The following CNOT10 variants were observed in gnomAD, a reference collection of about 807,000 sequenced individuals.
The protein encoded by CNOT10 is CCR4-NOT transcription complex, subunit 10.
A neutral mutation model predicts 94.6 loss-of-function variants in CNOT10; 30 were observed. That is an observed-to-expected ratio of 0.32 (90% CI 0.24 to 0.43). The LOEUF (loss-of-function observed/expected upper bound fraction) is 0.43. Among genes scored for constraint, CNOT10 ranks in the 20% least tolerant of loss-of-function variants. The pLI, the probability that CNOT10 is intolerant of heterozygous loss-of-function variation, is 1.00. For missense variants in CNOT10, 759 were observed against 877.2 expected, an observed-to-expected ratio of 0.87 and a Z score of 1.70; for synonymous variants, 289 against 301.6, an observed-to-expected ratio of 0.96 and a Z score of 0.43.
chr3:32,727,572 A>G (rs1261982843), intron 9 of CNOT10, 96 bp from the exon 10 acceptor site: 6 of 795,330 alleles, frequency 7.5e-6, no homozygotes, highest in Admixed American at 4.4e-5. Flanking sequence ...TTGGTGTTAA[A>G]CATGGTAGTG....
At chr3:32,688,568 G>A (rs1239416618) in intron 1 of CNOT10, among the ~76,000 whole-genome samples, 1 of 152,022 alleles carries the variant, frequency 6.6e-6, no homozygotes, top group Non-Finnish European at 1.5e-5. Flanking sequence ...CTGCACTCCA[G>A]GCTGGGTGAC....
At chr3:32,722,244 C>A (rs1698455594) in intron 8 of CNOT10, among the ~76,000 whole-genome samples, 1 of 152,106 alleles carries the variant, frequency 6.6e-6, no homozygotes, top group Non-Finnish European at 1.5e-5. Flanking sequence ...CATACTGAGA[C>A]CTTCCCCTAT....
chr3:32,702,090 A>C (rs911736601), intron 1 of CNOT10, among the ~76,000 whole-genome samples: 6 of 138,048 alleles, frequency 4.3e-5, no homozygotes, highest in Admixed American at 7.6e-5. Context: ...GAGCCACCAC[A>C]CCTGGCCTTT....
chr3:32,695,893 G>C (rs1697030382), intron 1 of CNOT10: 1 of 1,289,894 alleles, frequency 7.8e-7, no homozygotes, highest in African/African-American at 1.5e-5. Context: ...TTACAAAAAT[G>C]AATACCCATT....
chr3:32,700,896 G>A (rs1000308834), intron 1 of CNOT10, among the ~76,000 whole-genome samples: 3 of 152,118 alleles, frequency 2.0e-5, no homozygotes, highest in Admixed American at 1.3e-4. Context: ...CCAAGAAACA[G>A]AATATTCTTT....
chr3:32,691,908 TTAG>T (rs1696862999), intron 1 of CNOT10, among the ~76,000 whole-genome samples: 1 of 151,400 alleles, frequency 6.6e-6, no homozygotes, highest in East Asian at 2.0e-4. Context: ...ATGTAAAAAA[TTAG>T]TGGTGGCGCA....
intron 13 of CNOT10, among the ~76,000 whole-genome samples, chr3:32,741,545 G>A (rs913519375): frequency 2.6e-5 from 4 of 152,118 alleles, no homozygotes; most frequent in East Asian, 3.9e-4. Context: ...CGAGGCGAGC[G>A]GATCACGAGG....
intron 10 of CNOT10, among the ~76,000 whole-genome samples, chr3:32,732,611 A>C (rs1406011018): frequency 6.6e-6 from 1 of 151,592 alleles, no homozygotes; most frequent in African/African-American, 2.4e-5. Flanking sequence ...GAAAGGAAAA[A>C]AAAAAAGGTA....
intron 13 of CNOT10, among the ~76,000 whole-genome samples, chr3:32,750,538 A>G (rs1450603632): frequency 6.6e-6 from 1 of 152,046 alleles, no homozygotes; most frequent in Non-Finnish European, 1.5e-5. Context: ...TTAGTCATAT[A>G]ACAATATTTC....
chr3:32,733,446 C>G lies in CNOT10; in HGVS notation c.1239C>G (p.Gly413=). The G allele has an allele frequency of 6.3e-7, 1 of 1,593,412 alleles. No homozygotes were observed. Among genetic ancestry groups the G allele is most frequent in the Non-Finnish European group, 8.6e-7 (1 of 1,168,154 alleles). ...AGACTTCTGAACAAGAAACTAAAGG[C>G]CTTCCCAGCAAAAAAGGAATTGTAC... ...NKGTSEQETK[G]LPSKKGIVQS... Residue 413 remains glycine (G), a synonymous_variant, in exon 11 of 19, where the codon GGC becomes GGG. Coordinates refer to ENST00000328834, the MANE Select transcript of CNOT10 (RefSeq NM_015442.3).
In CNOT10 at chr3:32,762,624, A is replaced by G. The variant is rs369525754; in HGVS notation, c.1710-109A>G. On this transcript the variant is annotated intron_variant, in intron 14 of 18. Transcript: ENST00000328834. ...AGATTTCAATTTAAGGACATGAAAT[A>G]TGAGACCTATATCCAATGTATAATA... 28 of 1,126,762 alleles carry G rather than the reference A, an allele frequency of 2.5e-5. No homozygotes were observed. In the South Asian group the frequency reaches 3.8e-4, roughly 15 times the overall value. 69.8% of individuals were successfully genotyped at this position (1,126,762 alleles called of 1,614,324 possible).
Position 32,769,925 on chromosome 3 carries a change from G to A in CNOT10, c.2043G>A (p.Glu681=). Residue 681 remains glutamate (E), a synonymous_variant, in exon 18 of 19, where the codon GAG becomes GAA. Transcript: ENST00000328834. The part of the protein sequence containing the change: ...SMIHPKEVPP[E]AILLAVYLEL... ...TCCATCCTAAAGAGGTGCCCCCTGA[G>A]GCCATCTTGCTGGCAGTCTACCTTG... 1.2e-6 allele frequency: 2 copies of A among 1,613,950 alleles called. No homozygotes were observed. The highest frequency in any genetic ancestry group is 4.5e-5 in the East Asian group (2 of 44,884).
chr3:32,693,958 G>A (rs1696951902), intron 1 of CNOT10, among the ~76,000 whole-genome samples: 1 of 152,072 alleles, frequency 6.6e-6, no homozygotes, highest in African/African-American at 2.4e-5. Context: ...ACATTAGAGA[G>A]TACCTAAGAG....
At chr3:32,703,787 C>T (rs1697482324) in intron 1 of CNOT10, 81 bp from the exon 2 acceptor site, 3 of 923,856 alleles carry the variant, frequency 3.2e-6, no homozygotes, top group Admixed American at 4.4e-5. Flanking sequence ...GTAACTGAAA[C>T]TGCAGAAAGT....
Position 32,685,423 on chromosome 3 carries a change from C to A in CNOT10, c.-38C>A. The A allele has an allele frequency of 6.5e-7, 1 of 1,549,810 alleles. No homozygotes were observed. The highest frequency in any genetic ancestry group is 8.7e-7 in the Non-Finnish European group (1 of 1,146,538). On this transcript the variant is annotated 5_prime_UTR_variant, in exon 1 of 19. Transcript: ENST00000328834. ...AGCCCGGCGGCGGGAGTCAGGGCCA[C>A]GCCACCTGCAGGGAAGAACCCGAGT... is the stretch of plus-strand genomic sequence containing the variant.
intron 1 of CNOT10, among the ~76,000 whole-genome samples, chr3:32,689,842 C>T (rs1696778954): frequency 2.6e-5 from 4 of 152,122 alleles, no homozygotes; most frequent in African/African-American, 9.7e-5. Context: ...GAAGTCCTAG[C>T]TACTCCAGAG....
chr3:32,696,175 G>A (rs974515669), intron 1 of CNOT10, among the ~76,000 whole-genome samples: 3 of 152,054 alleles, frequency 2.0e-5, no homozygotes, highest in Admixed American at 1.3e-4. Flanking sequence ...AATTAGCTGA[G>A]CATGGTGGCG....
chr3:32,711,570 G>T (rs1697891720), intron 4 of CNOT10, among the ~76,000 whole-genome samples: 1 of 152,164 alleles, frequency 6.6e-6, no homozygotes, highest in Non-Finnish European at 1.5e-5. Flanking sequence ...GAGTGAGAAT[G>T]TAGAGATTGA....
Position 32,764,667 on chromosome 3 carries a change from A to T in CNOT10, c.1877-15A>T, listed in dbSNP as rs1483477901. Reference sequence around the variant, plus strand: ...GCACGGCCTCTTCACCAGTGTCTACACTCTTTTTCCCCAGCTGGTAAGCGG... The same window carrying T: ...GCACGGCCTCTTCACCAGTGTCTACTCTCTTTTTCCCCAGCTGGTAAGCGG... On this transcript the variant is annotated splice_polypyrimidine_tract_variant and intron_variant, in intron 16 of 18. Transcript: ENST00000328834. 1.2e-6 allele frequency: 2 copies of T among 1,613,226 alleles called. No individual in the cohort carries two copies. Among genetic ancestry groups the T allele is most frequent in the Non-Finnish European group, 1.7e-6 (2 of 1,179,722 alleles).
Sources: gnomAD v4.1 joint callset for allele counts (sites outside exome capture counted in the v4.1 genomes callset) on GRCh38, gnomAD v4.1.1 for gene constraint, MANE v1.5 for transcripts, NCBI Gene and HGNC (gene_info 2026-07-23, HGNC 2026-07-21) for gene names.